SEMA3A: variants seen among roughly 807,000 people sequenced by gnomAD.
SEMA3A encodes semaphorin-3A.
SEMA3A carries 29 observed loss-of-function variants against 97.9 expected under a neutral mutation model. The observed-to-expected ratio is 0.30, with a 90% confidence interval of 0.22 to 0.40. The LOEUF (loss-of-function observed/expected upper bound fraction) is 0.40, where lower values mean the gene tolerates loss of function less well. Among genes scored for constraint, SEMA3A ranks in the 10% least tolerant of loss-of-function variants. The probability of loss-of-function intolerance (pLI) is 1.00; values close to 1 mark genes in which losing one functional copy is unlikely to be tolerated. For missense variants in SEMA3A, 763 were observed against 951.3 expected (o/e 0.80, Z 2.60); for synonymous variants, 321 against 323.7 (o/e 0.99, Z 0.09).
intron 12 of SEMA3A, among the ~76,000 whole-genome samples, chr7:83,989,474 C>G (rs561740692): frequency 8.8e-4 from 109 of 123,248 alleles, no homozygotes; most frequent in Non-Finnish European, 1.5e-3. Context: ...CCCCTCCCCC[C>G]ACCCCACCAC....
At chr7:83,994,280 A>T (rs1427555044) in intron 12 of SEMA3A, among the ~76,000 whole-genome samples, 2 of 108,438 alleles carry the variant, frequency 1.8e-5, no homozygotes, top group Non-Finnish European at 3.8e-5. Flanking sequence ...CGTAGCTCAG[A>T]GTAATTTGAT....
upstream of SEMA3A, among the ~76,000 whole-genome samples, chr7:84,199,661 G>C (rs903195248): frequency 6.6e-6 from 1 of 151,390 alleles, no homozygotes; most frequent in Non-Finnish European, 1.5e-5. Flanking sequence ...CATTTGCCTT[G>C]CTCTGACTTC....
At chr7:84,245,389 G>A (rs1799455158) in intron 3 of SEMA3A, among the ~76,000 whole-genome samples, 1 of 151,658 alleles carries the variant, frequency 6.6e-6, no homozygotes, top group African/African-American at 2.4e-5. Flanking sequence ...TTTGGCTATT[G>A]ATACTTGTGT....
intron 12 of SEMA3A, among the ~76,000 whole-genome samples, chr7:83,999,744 C>T (rs185797802): frequency 6.6e-6 from 1 of 152,132 alleles, no homozygotes; most frequent in East Asian, 1.9e-4. Flanking sequence ...ATGACAAATA[C>T]AGAAGTAAGA....
intron 2 of SEMA3A, among the ~76,000 whole-genome samples, chr7:84,328,966 T>G (rs898970200): frequency 2.6e-5 from 4 of 151,946 alleles, no homozygotes; most frequent in African/African-American, 4.8e-5. Context: ...TTTTATTCAT[T>G]TATTTATTTA....
At chr7:84,096,877 T>C (rs1413682549) in intron 4 of SEMA3A, among the ~76,000 whole-genome samples, 1 of 152,102 alleles carries the variant, frequency 6.6e-6, no homozygotes, top group Non-Finnish European at 1.5e-5. Context: ...TATTATACAT[T>C]TCTAGAAAAT....
At chr7:84,399,318 G>A (rs1210199196) in intron 1 of SEMA3A, among the ~76,000 whole-genome samples, 1 of 152,180 alleles carries the variant, frequency 6.6e-6, no homozygotes, top group Non-Finnish European at 1.5e-5. Context: ...GCTGACTAAA[G>A]TGACCTTGAG....
chr7:84,149,787 C>A (rs1308041404), intron 1 of SEMA3A, among the ~76,000 whole-genome samples: 1 of 152,166 alleles, frequency 6.6e-6, no homozygotes, highest in Non-Finnish European at 1.5e-5. Context: ...TTAATCCCTG[C>A]TGGCCACAAC....
intron 1 of SEMA3A, among the ~76,000 whole-genome samples, chr7:84,452,022 T>C (rs1290053379): frequency 4.6e-5 from 7 of 152,172 alleles, no homozygotes; most frequent in Admixed American, 3.9e-4. Context: ...ATTTAATTGT[T>C]TGTTTTTCAA....
In SEMA3A at chr7:84,309,238, A is replaced by G. The variant is rs113298562; in HGVS notation, c.-168-1946T>C. ...AAAGGGCTTTGTTGTTGAGTTCCGG[A>G]GAGGATAGTGAAAGAGTATCCAGAG... On this transcript the variant is annotated intron_variant, in intron 2 of 3. Transcript: ENST00000424555. Among the ~76,000 whole-genome samples, 5 of 152,302 alleles carry G rather than the reference A, an allele frequency of 3.3e-5. 1 individual carries two copies. Among genetic ancestry groups the G allele is most frequent in the African/African-American group, 1.2e-4 (5 of 41,556 alleles).
At chr7:84,362,640 C>T (rs1562920045) in intron 2 of SEMA3A, among the ~76,000 whole-genome samples, 2 of 152,008 alleles carry the variant, frequency 1.3e-5, no homozygotes, top group South Asian at 4.1e-4. Flanking sequence ...TATGAAATCC[C>T]TTTCTATATT....
chr7:84,398,565 C>T (rs1803803998), intron 1 of SEMA3A, among the ~76,000 whole-genome samples: 1 of 152,116 alleles, frequency 6.6e-6, no homozygotes, highest in African/African-American at 2.4e-5. Context: ...TGACACTAGT[C>T]TGGGCAGTAT....
chr7:84,443,459 T>G (rs1432525610), intron 1 of SEMA3A, among the ~76,000 whole-genome samples: 2 of 152,140 alleles, frequency 1.3e-5, no homozygotes, highest in Non-Finnish European at 2.9e-5. Context: ...ATTGACATTT[T>G]TTTTACTTTA....
chr7:84,064,715 G>C (rs1188509589), intron 4 of SEMA3A, among the ~76,000 whole-genome samples: 1 of 150,798 alleles, frequency 6.6e-6, no homozygotes. Context: ...AACAAGAAGA[G>C]CTAACTATCC....
chr7:84,484,776 G>A (rs1002105216), intron 1 of SEMA3A, among the ~76,000 whole-genome samples: 1 of 152,108 alleles, frequency 6.6e-6, no homozygotes, highest in Non-Finnish European at 1.5e-5. Flanking sequence ...CAATACTGAT[G>A]CTCTTAAGAC....
At chr7:84,361,007 T>C (rs1453880245) in intron 2 of SEMA3A, among the ~76,000 whole-genome samples, 1 of 152,108 alleles carries the variant, frequency 6.6e-6, no homozygotes, top group Non-Finnish European at 1.5e-5. Context: ...AACTATGTTA[T>C]CAAGAATTCA....
upstream of SEMA3A, among the ~76,000 whole-genome samples, chr7:84,196,514 T>C (rs1248072977): frequency 6.6e-6 from 1 of 152,186 alleles, no homozygotes; most frequent in African/African-American, 2.4e-5. Context: ...CTAGATTGAC[T>C]CATCAAACAG....
Position 83,961,836 on chromosome 7 carries a change from T to TA in SEMA3A, c.1861-11dup, listed in dbSNP as rs747605860. On this transcript the variant is annotated splice_polypyrimidine_tract_variant and intron_variant, in intron 16 of 16. Coordinates refer to ENST00000265362, the MANE Select transcript of SEMA3A (RefSeq NM_006080.3). ...GATCATCCACTCTGATCTAGCAGGT[T>TA]AAAAAAAAGGCAGTGTAAAATATAC... is the stretch of plus-strand genomic sequence containing the variant. 3.9e-5 allele frequency: 63 copies of TA among 1,596,522 alleles called. 2 individuals carry two copies. Among genetic ancestry groups the TA allele is most frequent in the South Asian group, 3.6e-4 (32 of 89,214 alleles).
chr7:83,966,776 A>T (rs977270552), intron 15 of SEMA3A, among the ~76,000 whole-genome samples: 1 of 150,832 alleles, frequency 6.6e-6, no homozygotes, highest in African/African-American at 2.4e-5. Context: ...CAATGGCGTG[A>T]TCTCGGCTCA....
Sources: gnomAD v4.1 joint callset for allele counts (sites outside exome capture counted in the v4.1 genomes callset) on GRCh38, gnomAD v4.1.1 for gene constraint, MANE v1.5 for transcripts, NCBI Gene and HGNC (gene_info 2026-07-23, HGNC 2026-07-21) for gene names.